ZNF334: variants seen among roughly 807,000 people sequenced by gnomAD.
ZNF334 encodes zinc finger protein 334.
ZNF334 carries 14 observed loss-of-function variants against 12.4 expected under a neutral mutation model. The ratio of observed to expected loss-of-function variants is 1.13; its 90% CI spans 0.74 to 1.76. ZNF334 has a LOEUF of 1.76. Ranked by LOEUF, ZNF334 falls within the 40% of genes most tolerant of loss-of-function variation. The pLI is 0.00. For missense variants in ZNF334, 797 were observed against 804.5 expected, an observed-to-expected ratio of 0.99 and a Z score of 0.11; for synonymous variants, 273 against 269.6, an observed-to-expected ratio of 1.01 and a Z score of -0.12.
chr20:46,511,436 G>A (rs1263417750), intron 2 of ZNF334, among the ~76,000 whole-genome samples: 1 of 152,176 alleles, frequency 6.6e-6, no homozygotes, highest in East Asian at 1.9e-4. Context: ...AGATCCATCA[G>A]AGTGGTGGGG....
At chr20:46,482,304 A>C in the ZNF334 span, among the ~76,000 whole-genome samples, 1 of 152,222 alleles carries the variant, frequency 6.6e-6, no homozygotes, top group Admixed American at 6.5e-5. Context: ...TGTTTAGAAG[A>C]ACTGAGTAAA....
the ZNF334 span, among the ~76,000 whole-genome samples, chr20:46,478,229 T>C: frequency 6.6e-6 from 1 of 152,196 alleles, no homozygotes; most frequent in South Asian, 2.1e-4. Flanking sequence ...CACATGTGCC[T>C]AAGGTGGTCA....
chr20:46,480,714 G>C, the ZNF334 span, among the ~76,000 whole-genome samples: 3 of 152,178 alleles, frequency 2.0e-5, no homozygotes, highest in African/African-American at 7.2e-5. Context: ...GAAATGAGAA[G>C]GTTCTGGGTG....
the ZNF334 span, among the ~76,000 whole-genome samples, chr20:46,488,419 T>TTTTATA: frequency 2.9e-5 from 3 of 102,234 alleles, no homozygotes; most frequent in African/African-American, 4.3e-5. Flanking sequence ...AGCTCTTATT[T>TTTTATA]TATATATATA....
chr20:46,489,798 A>G, the ZNF334 span, among the ~76,000 whole-genome samples: 2 of 152,094 alleles, frequency 1.3e-5, no homozygotes, highest in African/African-American at 2.4e-5. Flanking sequence ...ATATTCCACT[A>G]TATCTATACA....
chr20:46,490,795 T>A, the ZNF334 span: 8 of 152,238 alleles, frequency 5.3e-5, no homozygotes, highest in Admixed American at 5.2e-4. Context: ...CAGTGTCCAG[T>A]TCTGATTTTT....
At chr20:46,473,123 A>G in the ZNF334 span, among the ~76,000 whole-genome samples, 1 of 152,172 alleles carries the variant, frequency 6.6e-6, no homozygotes, top group African/African-American at 2.4e-5. Context: ...ATTGGCATAA[A>G]TTGTTCATCC....
chr20:46,509,508 G>C (rs1479432224), intron 2 of ZNF334: 6 of 696,254 alleles, frequency 8.6e-6, no homozygotes, highest in Non-Finnish European at 1.6e-5. Context: ...TCAGCACGTG[G>C]GTCAGCACAT....
At chr20:46,464,078 C>A in the ZNF334 span, 1 of 620,468 alleles carries the variant, frequency 1.6e-6, no homozygotes, top group South Asian at 1.4e-5. Flanking sequence ...TCAATGAGCT[C>A]CGAGAAGTGG....
At chr20:46,464,197 T>C in the ZNF334 span, 2 of 528,618 alleles carry the variant, frequency 3.8e-6, no homozygotes, top group African/African-American at 1.9e-5. Context: ...GCAGCTCCCC[T>C]GTCCTTCATC....
At chr20:46,470,897 T>C in the ZNF334 span, among the ~76,000 whole-genome samples, 1 of 152,222 alleles carries the variant, frequency 6.6e-6, no homozygotes, top group South Asian at 2.1e-4. Context: ...TTATAGACAT[T>C]ATAGTGCTGC....
rs1370316801 is a variant in ZNF334 at position 46,501,649 on chromosome 20, TCTGATGGTGAGTCAGGG to T, written c.1673_1689del (p.Ala558GlufsTer10). 1 of 1,614,202 alleles carries T rather than the reference TCTGATGGTGAGTCAGGG, an allele frequency of 6.2e-7. No homozygotes were observed. The highest frequency in any genetic ancestry group is 8.5e-7 in the Non-Finnish European group (1 of 1,180,012). The stretch of plus-strand genomic sequence containing the variant: ...TAGGGTCTCTGTCCTGTGTGTGTTC[TCTGATGGTGAGTCAGGG>T]CTGACTTCCTGCAGTAGGTTCTCCC... On this transcript the variant is annotated frameshift_variant, in exon 5 of 5. Transcript: ENST00000692313. LOFTEE classifies it low-confidence loss of function (END_TRUNC).
chr20:46,510,262 AG>A (rs1362983432), intron 2 of ZNF334, among the ~76,000 whole-genome samples: 1 of 152,136 alleles, frequency 6.6e-6, no homozygotes, highest in Non-Finnish European at 1.5e-5. Context: ...GGGAAGAGGA[AG>A]GGGCCAAGCA....
chr20:46,501,165 G>A lies in ZNF334; in HGVS notation c.*131C>T. The stretch of plus-strand genomic sequence containing the variant: ...TTTCTCTGATGTTACATTGAGGGTT[G>A]ACTTATGGCAGAAAAATTTTCCATA... On this transcript the variant is annotated 3_prime_UTR_variant, in exon 5 of 5. Transcript: ENST00000692313. The A allele has an allele frequency of 2.7e-6, 3 of 1,122,556 alleles. No homozygotes were observed. Among genetic ancestry groups the A allele is most frequent in the Non-Finnish European group, 3.8e-6 (3 of 799,684 alleles). 69.5% of individuals were successfully genotyped at this position (1,122,556 alleles called of 1,614,324 possible). A position where few individuals can be genotyped will look rare whatever the true frequency, so the allele number is the denominator to read the frequency against.
At chr20:46,483,986 T>A in the ZNF334 span, among the ~76,000 whole-genome samples, 1,036 of 152,336 alleles carry the variant, frequency 6.8e-3, 38 homozygotes, top group Admixed American at 0.061. Context: ...ATTGAGAGAC[T>A]CTGTCAAATC....
chr20:46,504,990 C>G (rs964796074), intron 2 of ZNF334: 1 of 355,470 alleles, frequency 2.8e-6, no homozygotes. Flanking sequence ...AAATACTAAT[C>G]TTACTCTTTA....
At chr20:46,508,401 CAT>C (rs2061514815) in intron 2 of ZNF334, among the ~76,000 whole-genome samples, 1 of 152,172 alleles carries the variant, frequency 6.6e-6, no homozygotes, top group Non-Finnish European at 1.5e-5. Context: ...TCTGTAAACA[CAT>C]AGTCTGTGGA....
chr20:46,499,338 A>T (rs1318175004), downstream of ZNF334, among the ~76,000 whole-genome samples: 1 of 152,082 alleles, frequency 6.6e-6, no homozygotes, highest in Non-Finnish European at 1.5e-5. Context: ...GAACTATGAG[A>T]TGTATCTGTT....
chr20:46,511,013 A>G (rs59082981), intron 2 of ZNF334, among the ~76,000 whole-genome samples: 1 of 152,238 alleles, frequency 6.6e-6, no homozygotes, highest in East Asian at 1.9e-4. Flanking sequence ...CACAAAGGGC[A>G]TGAAAAAAAA....
Sources: allele counts gnomAD v4.1 joint callset (sites outside exome capture counted in the v4.1 genomes callset), GRCh38; gene constraint gnomAD v4.1.1; transcripts MANE v1.5; gene names NCBI Gene and HGNC (gene_info 2026-07-23, HGNC 2026-07-21).